The following GAK variants were observed in gnomAD, a reference collection of about 807,000 sequenced individuals.
GAK encodes the protein cyclin-G-associated kinase.
A neutral mutation model predicts 143.9 loss-of-function variants in GAK; 79 were observed. The ratio of observed to expected loss-of-function variants is 0.55; its 90% CI spans 0.46 to 0.66. The LOEUF is 0.66. Among genes scored for constraint, GAK ranks in the 30% least tolerant of loss-of-function variants. The pLI is 0.00. For missense variants in GAK, 1,693 were observed against 1,779.7 expected, an observed-to-expected ratio of 0.95 and a Z score of 0.88; for synonymous variants, 881 against 765.5, an observed-to-expected ratio of 1.15 and a Z score of -2.49.
chr4:908,233 G>A lies in GAK; in HGVS notation c.382+3440C>T, dbSNP rs376426465. Among the ~76,000 whole-genome samples the A allele has an allele frequency of 9.1e-4, 138 of 152,330 alleles. 2 individuals are homozygous for A. Among genetic ancestry groups the A allele is most frequent in the African/African-American group, 3.2e-3 (133 of 41,576 alleles). On this transcript the variant is annotated intron_variant, in intron 4 of 27. Transcript: ENST00000314167. ...CAAGTTACTCCAAGTGTGCTGGGCA[G>A]AGGGTGCGGCAAGGCTCACACAGCA...
At chr4:906,967 G>A (rs1355703483) in intron 4 of GAK, among the ~76,000 whole-genome samples, 2 of 152,090 alleles carry the variant, frequency 1.3e-5, no homozygotes. Context: ...CCACCTAAAC[G>A]TGCACCCTTC....
At chr4:875,685 A>C (rs549303265) in intron 18 of GAK, among the ~76,000 whole-genome samples, 52 of 152,358 alleles carry the variant, frequency 3.4e-4, no homozygotes, top group Admixed American at 2.8e-3. Flanking sequence ...TTGAGTAGAA[A>C]GATCTCCAGT....
At position 870,975 on chromosome 4, in the gene GAK, A is replaced by T; in HGVS notation, c.2055-71T>A. The T allele has an allele frequency of 1.2e-5, 16 of 1,344,592 alleles. No homozygotes were observed. In the South Asian group the frequency reaches 2.1e-4, roughly 18 times the overall value. The allele number at this position is 1,344,592 out of a possible 1,614,324, so 83.3% of individuals were successfully genotyped here. A position where few individuals can be genotyped will look rare whatever the true frequency, so the allele number is the denominator to read the frequency against. ...CTGTAAGTCCTTGGACATTCACTAA[A>T]GAAACGTGCATGGAAACAGGTGGCA... On this transcript the variant is annotated intron_variant, in intron 18 of 27. Transcript: ENST00000314167.
chr4:892,145 C>G (rs1463745403), intron 9 of GAK, among the ~76,000 whole-genome samples: 1 of 152,220 alleles, frequency 6.6e-6, no homozygotes, highest in East Asian at 1.9e-4. Context: ...CAGACAGGGA[C>G]TCCGGGCAGC....
chr4:859,438 G>C, intron 24 of GAK, 168 bp downstream of exon 24: 1 of 1,582,220 alleles, frequency 6.3e-7, no homozygotes, highest in African/African-American at 1.3e-5. Context: ...GCAGTCGCCT[G>C]GAACAGGTGC....
At position 870,837 on chromosome 4, in the gene GAK, C is replaced by G. The variant is rs762034108; in HGVS notation, c.2122G>C (p.Glu708Gln). The G allele has an allele frequency of 5.0e-6, 8 of 1,613,964 alleles. No homozygotes were observed. The highest frequency in any genetic ancestry group is 6.8e-6 in the Non-Finnish European group (8 of 1,180,008). ...CTCGGCCTGTCCCTGGGCTCCACCTCCACTTCCAGGTTCACTTGAAATAAA... is the reference window on the plus strand; with the variant it reads ...CTCGGCCTGTCCCTGGGCTCCACCTGCACTTCCAGGTTCACTTGAAATAAA... ...PDLFQVNLEV[E>Q]VEPRDRPSRE... is the part of the protein sequence containing the mutation. The change falls in exon 19 of 28, where the codon GAG becomes CAG. Residue 708 changes from glutamate to glutamine, a missense_variant. Physicochemically the swap from Glu to Gln is conservative, Grantham distance 29. Coordinates refer to ENST00000314167, the MANE Select transcript of GAK (RefSeq NM_005255.4).
At chr4:850,127 C>T (rs546140576) in intron 26 of GAK, 59 bp from the exon 27 acceptor site, 3 of 1,465,894 alleles carry the variant, frequency 2.0e-6, no homozygotes, top group Non-Finnish European at 2.8e-6. Context: ...CTCCTCTGCA[C>T]CGCGGAAACT....
chr4:854,808 G>A (rs887957893), intron 24 of GAK, among the ~76,000 whole-genome samples: 2 of 152,238 alleles, frequency 1.3e-5, no homozygotes, highest in African/African-American at 4.8e-5. Flanking sequence ...CACTTTGGGA[G>A]GCCGAGGCGG....
At chr4:850,854 GGCTCC>G in intron 26 of GAK, 77 bp downstream of exon 26, 1 of 1,472,578 alleles carries the variant, frequency 6.8e-7, no homozygotes, top group Non-Finnish European at 9.2e-7. Context: ...TGGAGACGCC[GGCTCC>G]ATAAGGCACA....
At chr4:908,725 C>T (rs56199559) in intron 4 of GAK, among the ~76,000 whole-genome samples, 1 of 152,186 alleles carries the variant, frequency 6.6e-6, no homozygotes, top group Non-Finnish European at 1.5e-5. Flanking sequence ...GAGTTTGAAG[C>T]TACAGTGAGC....
chr4:914,338 C>A (rs2152945324), intron 1 of GAK, among the ~76,000 whole-genome samples: 1 of 128,908 alleles, frequency 7.8e-6, no homozygotes, highest in Non-Finnish European at 1.6e-5. Flanking sequence ...GTGCCCGGCC[C>A]CACACAAACA....
At chr4:882,254 A>T (rs1393967495) in intron 14 of GAK, among the ~76,000 whole-genome samples, 8 of 152,248 alleles carry the variant, frequency 5.3e-5, no homozygotes, top group African/African-American at 1.9e-4. Context: ...GAACAGGGCT[A>T]GGGCCACTCC....
intron 24 of GAK, among the ~76,000 whole-genome samples, chr4:855,533 A>G (rs1414602148): frequency 6.6e-6 from 1 of 152,166 alleles, no homozygotes; most frequent in African/African-American, 2.4e-5. Context: ...TGCAGACAGG[A>G]GTAATTTTAT....
chr4:850,383 G>A (rs187485240), intron 26 of GAK: 133 of 300,402 alleles, frequency 4.4e-4, no homozygotes, highest in African/African-American at 1.5e-3. Context: ...CCCAGACTCC[G>A]AGGGAGAAGG....
intron 17 of GAK, 147 bp from the exon 18 acceptor site, chr4:876,756 G>T: frequency 2.9e-6 from 2 of 697,794 alleles, no homozygotes; most frequent in East Asian, 5.3e-5. Flanking sequence ...TGTTGTGGGG[G>T]AAGCGGGAGA....
At chr4:882,151 C>T (rs1577144739) in intron 14 of GAK, 111 bp from the exon 15 acceptor site, 1 of 1,204,610 alleles carries the variant, frequency 8.3e-7, no homozygotes, top group Non-Finnish European at 1.2e-6. Flanking sequence ...CAGGGCTGTT[C>T]CTCTCTGAAG....
intron 1 of GAK, among the ~76,000 whole-genome samples, chr4:927,796 C>T (rs1289147166): frequency 1.4e-5 from 2 of 146,806 alleles, no homozygotes; most frequent in Non-Finnish European, 3.0e-5. Flanking sequence ...TGCCCCGCAC[C>T]CCTCCCTGGG....
At chr4:870,030 C>G (rs1438297821) in intron 19 of GAK, 1 of 153,206 alleles carries the variant, frequency 6.5e-6, no homozygotes, top group African/African-American at 2.4e-5. Flanking sequence ...CACAGATGCA[C>G]TGTACACACG....
At chr4:882,870 C>T (rs1350349536) in intron 13 of GAK, 51 bp from the exon 14 acceptor site, 2 of 1,589,958 alleles carry the variant, frequency 1.3e-6, no homozygotes, top group East Asian at 2.2e-5. Flanking sequence ...CCCGCCCCAG[C>T]CTTGGTCAGC....
Sources: allele counts gnomAD v4.1 joint callset (sites outside exome capture counted in the v4.1 genomes callset), GRCh38; gene constraint gnomAD v4.1.1; transcripts MANE v1.5; gene names NCBI Gene and HGNC (gene_info 2026-07-23, HGNC 2026-07-21).